The following SCHIP1 variants were observed in gnomAD, a reference collection of about 807,000 sequenced individuals.
SCHIP1 encodes schwannomin interacting protein 1.
SCHIP1 carries 8 observed loss-of-function variants against 29.7 expected under a neutral mutation model. The observed-to-expected ratio is 0.27, with a 90% CI of 0.16 to 0.49. SCHIP1 has a LOEUF of 0.49. Among genes scored for constraint, SCHIP1 ranks in the 20% least tolerant of loss-of-function variants. The pLI, the probability that SCHIP1 is intolerant of heterozygous loss-of-function variation, is 0.99. For missense variants in SCHIP1, 193 were observed against 294.6 expected (o/e 0.66, Z 2.52); for synonymous variants, 76 against 94.9 (o/e 0.80, Z 1.16).
the SCHIP1 span, among the ~76,000 whole-genome samples, chr3:159,604,585 A>T: frequency 6.6e-6 from 1 of 152,198 alleles, no homozygotes; most frequent in East Asian, 1.9e-4. Context: ...ACAGCTTACT[A>T]GGGAAGTTAT....
chr3:159,399,096 TG>T, the SCHIP1 span: 1 of 221,572 alleles, frequency 4.5e-6, no homozygotes, highest in Non-Finnish European at 7.6e-6. Flanking sequence ...AGGCACACTC[TG>T]GATTGGAGGC....
the SCHIP1 span, among the ~76,000 whole-genome samples, chr3:159,491,456 T>C: frequency 1.3e-5 from 2 of 152,226 alleles, no homozygotes; most frequent in Non-Finnish European, 2.9e-5. Context: ...CAGGAGATTA[T>C]ATCCAGCACC....
chr3:159,765,319 G>A, the SCHIP1 span: 1 of 697,958 alleles, frequency 1.4e-6, no homozygotes, highest in South Asian at 2.2e-5. Flanking sequence ...CTCGGTCTGT[G>A]AGCTGTCTGG....
chr3:159,405,770 C>A, the SCHIP1 span, among the ~76,000 whole-genome samples: 1 of 151,568 alleles, frequency 6.6e-6, no homozygotes, highest in Non-Finnish European at 1.5e-5. Flanking sequence ...GTAATCCCAG[C>A]TACTCAGGAG....
the SCHIP1 span, among the ~76,000 whole-genome samples, chr3:159,796,392 G>T: frequency 3.3e-5 from 5 of 152,154 alleles, no homozygotes; most frequent in African/African-American, 9.7e-5. Flanking sequence ...TGGTTGTTGG[G>T]CTGGCACAAA....
the SCHIP1 span, among the ~76,000 whole-genome samples, chr3:159,715,291 G>A: frequency 1.3e-5 from 2 of 152,326 alleles, no homozygotes; most frequent in South Asian, 2.1e-4. Flanking sequence ...CAAAGATGGG[G>A]AGAAACCAGA....
the SCHIP1 span, among the ~76,000 whole-genome samples, chr3:159,780,249 C>A: frequency 1.3e-5 from 2 of 152,206 alleles, no homozygotes; most frequent in Non-Finnish European, 2.9e-5. Flanking sequence ...TGCTGCCAAA[C>A]CCATGCTATG....
At chr3:159,368,465 A>G in the SCHIP1 span, among the ~76,000 whole-genome samples, 1 of 152,218 alleles carries the variant, frequency 6.6e-6, no homozygotes, top group Non-Finnish European at 1.5e-5. Context: ...CCTAGCAGTC[A>G]GAAGACCTAT....
chr3:159,888,136 A>G, intron 4 of SCHIP1: 1 of 580,314 alleles, frequency 1.7e-6, no homozygotes, highest in Non-Finnish European at 3.0e-6. Flanking sequence ...ATTGATGTCT[A>G]CTGTTTCTTA....
At chr3:159,692,534 A>T in the SCHIP1 span, among the ~76,000 whole-genome samples, 1 of 152,116 alleles carries the variant, frequency 6.6e-6, no homozygotes, top group African/African-American at 2.4e-5. Flanking sequence ...ATATTTGTTT[A>T]TGCTTCATGA....
At chr3:159,674,837 G>C in the SCHIP1 span, among the ~76,000 whole-genome samples, 518 of 152,222 alleles carry the variant, frequency 3.4e-3, 4 homozygotes, top group African/African-American at 0.012. Context: ...TGTCTCCTTG[G>C]AAACCATAAC....
chr3:159,625,825 A>G, the SCHIP1 span, among the ~76,000 whole-genome samples: 47 of 152,028 alleles, frequency 3.1e-4, no homozygotes, highest in African/African-American at 1.1e-3. Context: ...TCCCTTCTGT[A>G]TTACCCTCCC....
chr3:159,865,593 C>G (rs1410149357), intron 1 of SCHIP1, among the ~76,000 whole-genome samples: 1 of 152,186 alleles, frequency 6.6e-6, no homozygotes, highest in African/African-American at 2.4e-5. Context: ...ATGGAAACAA[C>G]AGTCCCCAAC....
chr3:159,696,406 A>G, the SCHIP1 span, among the ~76,000 whole-genome samples: 2 of 152,178 alleles, frequency 1.3e-5, no homozygotes. Context: ...CCTCAAACTC[A>G]GTTTGCCATG....
At chr3:159,654,513 A>G in the SCHIP1 span, among the ~76,000 whole-genome samples, 2 of 152,094 alleles carry the variant, frequency 1.3e-5, no homozygotes, top group South Asian at 2.1e-4. Flanking sequence ...CCCCACTTAT[A>G]TATATTATCA....
the SCHIP1 span, among the ~76,000 whole-genome samples, chr3:159,338,191 A>G: frequency 1.3e-5 from 2 of 152,212 alleles, no homozygotes; most frequent in Non-Finnish European, 1.5e-5. Flanking sequence ...TAGAAAATAC[A>G]TAATTGAAAT....
At chr3:159,556,561 A>G in the SCHIP1 span, among the ~76,000 whole-genome samples, 1 of 152,134 alleles carries the variant, frequency 6.6e-6, no homozygotes, top group African/African-American at 2.4e-5. Context: ...AATGTGGCAC[A>G]TATACACCAT....
chr3:159,330,743 G>A, the SCHIP1 span, among the ~76,000 whole-genome samples: 1 of 152,086 alleles, frequency 6.6e-6, no homozygotes, highest in Non-Finnish European at 1.5e-5. Flanking sequence ...AAAATAATTA[G>A]TCCAGTATTT....
the SCHIP1 span, among the ~76,000 whole-genome samples, chr3:159,629,621 C>G: frequency 6.6e-6 from 1 of 152,178 alleles, no homozygotes; most frequent in African/African-American, 2.4e-5. Flanking sequence ...AAGTCACAGC[C>G]TCCCTGAGCC....
Sources: allele counts gnomAD v4.1 joint callset (sites outside exome capture counted in the v4.1 genomes callset), GRCh38; gene constraint gnomAD v4.1.1; transcripts MANE v1.5; gene names NCBI Gene and HGNC (gene_info 2026-07-23, HGNC 2026-07-21).